Variants in MEIS1 observed in about 807,000 individuals in gnomAD.
MEIS1 encodes homeobox protein Meis1.
A neutral mutation model predicts 50.8 loss-of-function variants in MEIS1; 5 were observed. The ratio of observed to expected loss-of-function variants is 0.10; its 90% CI spans 0.05 to 0.21. The LOEUF (loss-of-function observed/expected upper bound fraction) is 0.21. Ranked by LOEUF, MEIS1 falls within the 10% of genes least tolerant of loss-of-function variation. The probability of loss-of-function intolerance (pLI) is 1.00; values close to 1 mark genes in which losing one functional copy is unlikely to be tolerated. For synonymous variants in MEIS1, 176 were observed against 179.3 expected (o/e 0.98, Z 0.15); for missense variants, 318 against 517.3 (o/e 0.61, Z 3.74).
At chr2:66,518,639 A>G (rs72822898) in intron 8 of MEIS1, among the ~76,000 whole-genome samples, 11 of 152,326 alleles carry the variant, frequency 7.2e-5, no homozygotes, top group Admixed American at 1.3e-4. Context: ...TAAAATATCA[A>G]ACTTGGTCAC....
At chr2:66,530,218 GAA>G (rs1674356603) in intron 8 of MEIS1, among the ~76,000 whole-genome samples, 1 of 149,244 alleles carries the variant, frequency 6.7e-6, no homozygotes, top group African/African-American at 2.4e-5. Context: ...AAGGAAAGAA[GAA>G]AAGATAAAAA....
At chr2:66,456,994 G>A (rs1195032867) in intron 6 of MEIS1, among the ~76,000 whole-genome samples, 1 of 152,028 alleles carries the variant, frequency 6.6e-6, no homozygotes, top group African/African-American at 2.4e-5. Context: ...TCCACAGCAC[G>A]TGTGCACAGT....
intron 7 of MEIS1, among the ~76,000 whole-genome samples, chr2:66,479,999 C>CTTAT (rs1672980333): frequency 6.6e-6 from 1 of 152,110 alleles, no homozygotes; most frequent in African/African-American, 2.4e-5. Context: ...GATTTCTGTG[C>CTTAT]ATAAACGGTG....
chr2:66,536,314 A>G (rs1674516409), intron 8 of MEIS1, among the ~76,000 whole-genome samples: 1 of 152,228 alleles, frequency 6.6e-6, no homozygotes, highest in Non-Finnish European at 1.5e-5. Context: ...TAGTCAAATA[A>G]AAAGCTTAAT....
At chr2:66,494,492 C>T (rs1260185164) in intron 7 of MEIS1, among the ~76,000 whole-genome samples, 1 of 152,130 alleles carries the variant, frequency 6.6e-6, no homozygotes, top group African/African-American at 2.4e-5. Context: ...TAGTACCAGG[C>T]CCTGAGGAAA....
At chr2:66,489,980 G>GC (rs946924063) in intron 7 of MEIS1, among the ~76,000 whole-genome samples, 15 of 152,280 alleles carry the variant, frequency 9.9e-5, no homozygotes, top group African/African-American at 3.6e-4. Context: ...TTTCAGAGAG[G>GC]CAAAAATATA....
intron 8 of MEIS1, among the ~76,000 whole-genome samples, chr2:66,536,318 G>C (rs1674516513): frequency 6.6e-6 from 1 of 152,064 alleles, no homozygotes; most frequent in Non-Finnish European, 1.5e-5. Flanking sequence ...CAAATAAAAA[G>C]CTTAATTTTG....
intron 7 of MEIS1, among the ~76,000 whole-genome samples, chr2:66,493,005 C>G (rs779244528): frequency 7.9e-5 from 12 of 152,184 alleles, no homozygotes; most frequent in Non-Finnish European, 1.6e-4. Flanking sequence ...TGATACCCCA[C>G]TCAGGTGGCC....
intron 6 of MEIS1, among the ~76,000 whole-genome samples, chr2:66,459,403 C>T (rs1370403694): frequency 6.6e-6 from 1 of 152,148 alleles, no homozygotes; most frequent in Non-Finnish European, 1.5e-5. Flanking sequence ...AGATTGTATT[C>T]TGTAGGCAGT....
intron 8 of MEIS1, among the ~76,000 whole-genome samples, chr2:66,546,012 A>G (rs1029327435): frequency 6.6e-6 from 1 of 152,146 alleles, no homozygotes; most frequent in East Asian, 1.9e-4. Flanking sequence ...ATTTTCTGTT[A>G]TGTCCCAGTC....
At chr2:66,542,992 A>C (rs1674692146) in intron 8 of MEIS1, among the ~76,000 whole-genome samples, 1 of 152,192 alleles carries the variant, frequency 6.6e-6, no homozygotes, top group Non-Finnish European at 1.5e-5. Flanking sequence ...TGATTGTTTC[A>C]ATAAACACAC....
intron 7 of MEIS1, among the ~76,000 whole-genome samples, chr2:66,500,810 C>G (rs1673535455): frequency 6.6e-6 from 1 of 152,146 alleles, no homozygotes; most frequent in Non-Finnish European, 1.5e-5. Flanking sequence ...TAAATAAATG[C>G]TATCTTGTTG....
intron 9 of MEIS1, among the ~76,000 whole-genome samples, chr2:66,556,989 G>A (rs1329179213): frequency 1.3e-5 from 2 of 152,094 alleles, no homozygotes; most frequent in Admixed American, 6.5e-5. Flanking sequence ...AGTGAATATA[G>A]TATTTAAAAA....
At chr2:66,540,557 C>T (rs951099622) in intron 8 of MEIS1, among the ~76,000 whole-genome samples, 2 of 152,160 alleles carry the variant, frequency 1.3e-5, no homozygotes, top group Non-Finnish European at 2.9e-5. Flanking sequence ...TTTGGCCTTC[C>T]AAAGTGCTGG....
intron 9 of MEIS1, among the ~76,000 whole-genome samples, chr2:66,563,314 T>A (rs1197160521): frequency 1.3e-5 from 2 of 152,206 alleles, no homozygotes; most frequent in Non-Finnish European, 2.9e-5. Flanking sequence ...ATATTCAAAT[T>A]GGAATTTTGT....
intron 7 of MEIS1, among the ~76,000 whole-genome samples, chr2:66,487,514 A>G (rs1203112157): frequency 2.0e-5 from 3 of 152,222 alleles, no homozygotes; most frequent in African/African-American, 7.2e-5. Flanking sequence ...GTGTCTTGGA[A>G]ACAAATACTG....
At chr2:66,520,215 C>A (rs1674079663) in intron 8 of MEIS1, among the ~76,000 whole-genome samples, 2 of 152,014 alleles carry the variant, frequency 1.3e-5, no homozygotes, top group Admixed American at 6.6e-5. Flanking sequence ...TGGCTCATGT[C>A]TGTAATCCCA....
At chr2:66,443,844 C>T (rs1401444) in intron 6 of MEIS1, 1 of 152,242 alleles carries the variant, frequency 6.6e-6, no homozygotes, top group Non-Finnish European at 1.5e-5. Context: ...CCTTTGCTCT[C>T]AACTGAGGGC....
intron 9 of MEIS1, among the ~76,000 whole-genome samples, chr2:66,557,811 G>A (rs72824824): frequency 0.26 from 39,973 of 152,008 alleles, 5,514 homozygotes; most frequent in Middle Eastern, 0.3. Flanking sequence ...GTATAATTTG[G>A]AAAGCACTTT....
Sources: gnomAD v4.1 joint callset for allele counts (sites outside exome capture counted in the v4.1 genomes callset) on GRCh38, gnomAD v4.1.1 for gene constraint, MANE v1.5 for transcripts, NCBI Gene and HGNC (gene_info 2026-07-23, HGNC 2026-07-21) for gene names.